The following TTN variants were observed in gnomAD, a reference collection of about 807,000 sequenced individuals.
TTN encodes titin.
In TTN, 1,525 loss-of-function variants were observed where a neutral mutation model predicts 3,223.0. The observed-to-expected ratio is 0.47, with a 90% CI of 0.45 to 0.49. The LOEUF (loss-of-function observed/expected upper bound fraction) is 0.49. Ranked by LOEUF, TTN falls within the 20% of genes least tolerant of loss-of-function variation. The pLI, the probability that TTN is intolerant of heterozygous loss-of-function variation, is 0.00. For missense variants in TTN, 40,786 were observed against 43,424.0 expected (o/e 0.94, Z 5.40); for synonymous variants, 14,094 against 15,161.0 (o/e 0.93, Z 5.17).
chr2:178,617,680 A>G (rs2057612252), intron 253 of TTN, 99 bp downstream of exon 253: 4 of 1,490,128 alleles, frequency 2.7e-6, no homozygotes, highest in South Asian at 1.3e-5. Flanking sequence ...ATGATATTCT[A>G]CCTTTTTATT....
chr2:178,532,050 AGACACTGGCCTCATT>A lies in TTN; in HGVS notation c.104550_104564del (p.Leu34850_Ser34855delinsPhe), dbSNP rs1689357729. The stretch of plus-strand genomic sequence containing the variant: ...GTTGTGGACGTGACCGGATCAGCTC[AGACACTGGCCTCATT>A]AACTCAATATAAGTTGGAGACAGGG... On this transcript the variant is annotated inframe_deletion, in exon 358 of 363. Coordinates refer to ENST00000589042, the MANE Select transcript of TTN (RefSeq NM_001267550.2). The A allele has an allele frequency of 6.2e-7, 1 of 1,613,790 alleles. No homozygotes were observed. The highest frequency in any genetic ancestry group is 1.1e-5 in the South Asian group (1 of 91,082).
Position 178,629,421 on chromosome 2 carries a change from C to T in TTN, c.44304G>A (p.Arg14768=), listed in dbSNP as rs376076719. The change falls in exon 240 of 363, where the codon AGG becomes AGA. Residue 14768 remains arginine (R), a synonymous_variant. Transcript: ENST00000589042. Reference sequence around the variant, plus strand: ...CAGTCACGGTGACATCCTTTAAAGGCCTCAGAAGACCAATTACTCGTGCTT... The same window carrying T: ...CAGTCACGGTGACATCCTTTAAAGGTCTCAGAAGACCAATTACTCGTGCTT... ...RVKPRVIGLL[R]PLKDVTVTAG... is the part of the protein sequence containing the mutation. 1.5e-5 allele frequency: 25 copies of T among 1,612,936 alleles called. No homozygotes were observed. The East Asian group carries it at 5.4e-4, about 35-fold the overall frequency.
At chr2:178,690,486 TG>T (rs1238071598) in intron 121 of TTN, among the ~76,000 whole-genome samples, 3 of 152,108 alleles carry the variant, frequency 2.0e-5, no homozygotes, top group African/African-American at 7.2e-5. Context: ...CAGAATTTTG[TG>T]GGTATGTGTA....
Position 178,580,580 on chromosome 2 carries a change from A to C in TTN, c.66799T>G (p.Leu22267Val), listed in dbSNP as rs2047467228. 2 of 1,611,370 alleles carry C rather than the reference A, an allele frequency of 1.2e-6. No individual in the cohort carries two copies. The highest frequency in any genetic ancestry group is 1.7e-6 in the Non-Finnish European group (2 of 1,178,946). The part of the protein sequence containing the change: ...IPPEGELDAD[L>V]RKTLILRAGV... Reference sequence around the variant, plus strand: ...GCACGTAATATGAGTGTCTTCCTTAAGTCCGCATCAAGTTCTCCCTCAGGT... The same window carrying C: ...GCACGTAATATGAGTGTCTTCCTTACGTCCGCATCAAGTTCTCCCTCAGGT... The change falls in exon 317 of 363, where the codon TTA becomes GTA. Residue 22267 changes from leucine to valine, a missense_variant. Physicochemically the swap from Leu to Val is conservative, Grantham distance 32. Transcript: ENST00000589042.
At chr2:178,745,965 T>A (rs367906206) in intron 47 of TTN, 2 of 1,610,344 alleles carry the variant, frequency 1.2e-6, no homozygotes, top group Middle Eastern at 1.7e-4. Flanking sequence ...TTCTTTGCTA[T>A]CACAGCAAAT....
chr2:178,774,086 C>G lies in TTN; in HGVS notation c.7082G>C (p.Gly2361Ala). The change falls in exon 31 of 363, where the codon GGA becomes GCA. Residue 2361 changes from glycine (G) to alanine (A), a missense_variant. By Grantham distance (60) the Gly-to-Ala change is moderately conservative (BLOSUM62 0). Coordinates refer to ENST00000589042, the MANE Select transcript of TTN (RefSeq NM_001267550.2). Reference sequence around the variant, plus strand: ...CTCACAGACTTTTTGGTCACTAAGTCCTTGTAGGATAGCAATGGGGCGGGC... The same window carrying G: ...CTCACAGACTTTTTGGTCACTAAGTGCTTGTAGGATAGCAATGGGGCGGGC... ...MKPRPIAILQ[G>A]LSDQKVCEGD... 1.2e-6 allele frequency: 2 copies of G among 1,614,014 alleles called. No individual in the cohort carries two copies. The highest frequency in any genetic ancestry group is 1.7e-6 in the Non-Finnish European group (2 of 1,179,984).
chr2:178,564,107 G>A lies in TTN; in HGVS notation c.82025C>T (p.Thr27342Ile), dbSNP rs758305003. 24 of 1,613,634 alleles carry A rather than the reference G, an allele frequency of 1.5e-5. No individual in the cohort carries two copies. In the East Asian group the frequency reaches 4.9e-4, roughly 33 times the overall value. Reference protein sequence around the residue: ...TTLVVKDCIRTDGGQYILKLS... With the variant: ...TTLVVKDCIRIDGGQYILKLS... ...TTTCAGAATATATTGTCCTCCATCA[G>A]TCCGTATACAGTCTTTGACAACAAG... Residue 27342 changes from threonine (T) to isoleucine (I), a missense_variant, in exon 326 of 363, where the codon ACT becomes ATT. Coordinates refer to ENST00000589042, the MANE Select transcript of TTN (RefSeq NM_001267550.2).
At chr2:178,684,620 G>C in intron 131 of TTN, 46 bp downstream of exon 131, 1 of 1,564,600 alleles carries the variant, frequency 6.4e-7, no homozygotes, top group Middle Eastern at 1.7e-4. Context: ...GAGAAAGAAA[G>C]ACAAGCCATA....
chr2:178,680,335 G>A lies in TTN; in HGVS notation c.33341-4C>T, dbSNP rs1577329628. On this transcript the variant is annotated splice_polypyrimidine_tract_variant and splice_region_variant and intron_variant, in intron 138 of 362. Coordinates refer to ENST00000589042, the MANE Select transcript of TTN (RefSeq NM_001267550.2). ...ACCCTCTTGGGCTTCATGGGCACTT[G>A]AAATATGAAGTATAAGGAAATTTTA... 6.2e-7 allele frequency: 1 copy of A among 1,606,942 alleles called. No homozygotes were observed. The highest frequency in any genetic ancestry group is 8.5e-7 in the Non-Finnish European group (1 of 1,177,862).
intron 131 of TTN, 100 bp from the exon 132 acceptor site, chr2:178,684,513 G>T: frequency 7.1e-7 from 1 of 1,399,152 alleles, no homozygotes; most frequent in South Asian, 1.3e-5. Flanking sequence ...GAATTTACAA[G>T]GCACACACAC....
rs765429292 is a variant in TTN, at chr2:178,576,565, C to T, written c.69679G>A (p.Glu23227Lys). 1.2e-6 allele frequency: 2 copies of T among 1,613,598 alleles called. No individual in the cohort carries two copies. The highest frequency in any genetic ancestry group is 1.1e-5 in the South Asian group (1 of 91,052). ...TTCATCAGAACAGAATCTGAAGCCTCACTGGGTGGACCAATTCCTGCTCTG... is the reference window on the plus strand; with the variant it reads ...TTCATCAGAACAGAATCTGAAGCCTTACTGGGTGGACCAATTCCTGCTCTG... ...ENRAGIGPPS[E>K]ASDSVLMKDA... The change falls in exon 325 of 363, where the codon GAG becomes AAG. Residue 23227 changes from glutamate (E) to lysine (K), a missense_variant. Transcript: ENST00000589042. This position sits in a 1 kb window ranked among gnomAD's most constrained non-coding sequence, Gnocchi z 4.3.
At position 178,640,068 on chromosome 2, in the gene TTN, G is replaced by A. The variant is rs200939270; in HGVS notation, c.40766C>T (p.Pro13589Leu). The A allele has an allele frequency of 9.3e-6, 15 of 1,611,976 alleles. No individual in the cohort carries two copies. The highest frequency in any genetic ancestry group is 8.9e-5 in the East Asian group (4 of 44,798). ...KPAIPLPAPE[P>L]KPKPEAEVKT... ...CTCACCTGCTTCGGGCTTTGGTTTCGGTTCAGGTGCAGGGAGAGGTATTGC... is the reference window on the plus strand; with the variant it reads ...CTCACCTGCTTCGGGCTTTGGTTTCAGTTCAGGTGCAGGGAGAGGTATTGC... Residue 13589 changes from proline (P) to leucine (L), a missense_variant, in exon 222 of 363, where the codon CCG becomes CTG. Physicochemically the swap from Pro to Leu is moderately conservative, Grantham distance 98 (BLOSUM62 -3). Transcript: ENST00000589042.
At chr2:178,723,747 T>G (rs1208006744) in intron 73 of TTN, 51 bp from the exon 74 acceptor site, 18 of 1,527,680 alleles carry the variant, frequency 1.2e-5, no homozygotes, top group Non-Finnish European at 1.5e-5. Context: ...TCAGATGGAG[T>G]TGCAATTTTG....
intron 47 of TTN, chr2:178,751,347 C>T (rs2085444485): frequency 6.2e-7 from 1 of 1,606,508 alleles, no homozygotes; most frequent in African/African-American, 1.3e-5. Flanking sequence ...TTAAGCCAAC[C>T]TCTTATGTCA....
rs1559301344 is a variant in TTN at position 178,561,758 on chromosome 2, TACTC to T, written c.84370_84373del (p.Glu28124IlefsTer49). 1.2e-6 allele frequency: 2 copies of T among 1,613,632 alleles called. No individual in the cohort carries two copies. Among genetic ancestry groups the T allele is most frequent in the Admixed American group, 3.3e-5 (2 of 59,992 alleles). On this transcript the variant is annotated frameshift_variant, in exon 326 of 363. Transcript: ENST00000589042. LOFTEE classifies it high-confidence loss of function. ...GTTTTCTGCACAAACACGGAACTGATACTCACTTCCTGTTGTCAGGCGAACTATT... is the reference window on the plus strand; with the variant it reads ...GTTTTCTGCACAAACACGGAACTGATACTTCCTGTTGTCAGGCGAACTATT...
At position 178,621,220 on chromosome 2, in the gene TTN, G is replaced by A. The variant is rs752554634; in HGVS notation, c.45498C>T (p.Asp15166=). The stretch of plus-strand genomic sequence containing the variant: ...CCCTCTTTTTACCATCAGCAATAAC[G>A]TCATATTTATCTCCAGATTCAAGTG... The part of the protein sequence containing the change: ...DKTLESGDKY[D]VIADGKKRVL... Residue 15166 remains aspartate, a synonymous_variant, in exon 246 of 363, where the codon GAC becomes GAT. Coordinates refer to ENST00000589042, the MANE Select transcript of TTN (RefSeq NM_001267550.2). 1.5e-5 allele frequency: 24 copies of A among 1,612,070 alleles called. No homozygotes were observed. The highest frequency in any genetic ancestry group is 1.6e-5 in the Non-Finnish European group (19 of 1,179,096).
In TTN at chr2:178,557,511, G is replaced by T; in HGVS notation, c.87751C>A (p.Arg29251=). 1 of 1,613,880 alleles carries T rather than the reference G, an allele frequency of 6.2e-7. No homozygotes were observed. Among genetic ancestry groups the T allele is most frequent in the Non-Finnish European group, 8.5e-7 (1 of 1,179,858 alleles). The change falls in exon 329 of 363, where the codon CGA becomes AGA. Residue 29251 remains arginine, a synonymous_variant. Coordinates refer to ENST00000589042, the MANE Select transcript of TTN (RefSeq NM_001267550.2). ...PSTPWVTNVT[R]ESITVGWHEP... ...TGCCAGCCCACAGTGATGCTTTCTC[G>T]AGTAACATTAGTGACCCATGGTGTA...
At chr2:178,553,451 T>C in intron 334 of TTN, 51 bp downstream of exon 334, 1 of 1,572,730 alleles carries the variant, frequency 6.4e-7, no homozygotes, top group Non-Finnish European at 8.6e-7. Flanking sequence ...AAAGAGTGAT[T>C]TCCTGGAAGT....
rs763729258 is a variant in TTN at position 178,581,984 on chromosome 2, G to A, written c.66385C>T (p.Arg22129Cys). The change falls in exon 315 of 363, where the codon CGT becomes TGT. Residue 22129 changes from arginine (R) to cysteine (C), a missense_variant. Coordinates refer to ENST00000589042, the MANE Select transcript of TTN (RefSeq NM_001267550.2). ...GLQEGTEYEF[R>C]VTAINKAGPG... is the part of the protein sequence containing the mutation. Reference sequence around the variant, plus strand: ...CCAGCTTTATTTATAGCTGTAACACGGAACTCATATTCGGTACCTTCTTGA... The same window carrying A: ...CCAGCTTTATTTATAGCTGTAACACAGAACTCATATTCGGTACCTTCTTGA... 79 of 1,613,128 alleles carry A rather than the reference G, an allele frequency of 4.9e-5. 1 individual carries two copies. The South Asian group carries it at 7.5e-4, about 15-fold the overall frequency.
Sources: allele counts gnomAD v4.1 joint callset (sites outside exome capture counted in the v4.1 genomes callset), GRCh38; gene constraint gnomAD v4.1.1; non-coding constraint Gnocchi (gnomAD v3.1); transcripts MANE v1.5; gene names NCBI Gene and HGNC (gene_info 2026-07-23, HGNC 2026-07-21).